TSC2: variants seen among roughly 807,000 people sequenced by gnomAD.
TSC2 encodes TSC complex subunit 2, also known as tuberin.
TSC2 carries 29 observed loss-of-function variants against 202.2 expected under a neutral mutation model. That is an observed-to-expected ratio of 0.14 (90% CI 0.11 to 0.20). The LOEUF (loss-of-function observed/expected upper bound fraction) is 0.20, where lower values mean the gene tolerates loss of function less well. TSC2 is among the 10% of genes least tolerant of loss of function. The pLI is 1.00. For synonymous variants in TSC2, 1,349 were observed against 1,044.0 expected, an observed-to-expected ratio of 1.29 and a Z score of -5.63; for missense variants, 2,429 against 2,420.0, an observed-to-expected ratio of 1.00 and a Z score of -0.08.
chr16:2,061,787 G>A (rs1473009471), intron 11 of TSC2, 84 bp from the exon 12 acceptor site: 103 of 1,608,886 alleles, frequency 6.4e-5, no homozygotes, highest in Non-Finnish European at 7.9e-5. Flanking sequence ...GTGTCTCCAT[G>A]CGGTGGGTGT....
At chr16:2,052,350 C>T (rs2085240767) in intron 3 of TSC2, among the ~76,000 whole-genome samples, 1 of 151,978 alleles carries the variant, frequency 6.6e-6, no homozygotes, top group Non-Finnish European at 1.5e-5. Flanking sequence ...CACTCTGTCA[C>T]CCAGGCCGGG....
chr16:2,063,198 G>C lies in TSC2; in HGVS notation c.1443+145G>C, dbSNP rs1029369061. ...CCCTCTGCAGCCCCCAGCGTGGTCT[G>C]TTTACCCCTGTTCATTCACTGGCTT... On this transcript the variant is annotated intron_variant, in intron 14 of 41. Transcript: ENST00000219476. The C allele has an allele frequency of 9.4e-6, 9 of 962,038 alleles. No individual in the cohort carries two copies. In the African/African-American group the frequency reaches 1.1e-4, roughly 12 times the overall value. The allele number at this position is 962,038 out of a possible 1,614,324, so 59.6% of individuals were successfully genotyped here.
chr16:2,083,655 C>A (rs1431858194), intron 32 of TSC2, 40 bp from the exon 33 acceptor site: 1 of 1,559,014 alleles, frequency 6.4e-7, no homozygotes, highest in South Asian at 1.2e-5. Flanking sequence ...CAGGGCCTGG[C>A]CCAGCCCCAC....
At chr16:2,078,933 G>T (rs2089769547) in intron 26 of TSC2, 99 bp from the exon 27 acceptor site, 3 of 1,534,414 alleles carry the variant, frequency 2.0e-6, no homozygotes, top group Non-Finnish European at 2.7e-6. Context: ...TCCGAGCGAG[G>T]TCCTCAGCCG....
chr16:2,078,982 C>T (rs368497505), intron 26 of TSC2, 50 bp from the exon 27 acceptor site: 230 of 1,609,018 alleles, frequency 1.4e-4, no homozygotes, highest in Non-Finnish European at 1.8e-4. Flanking sequence ...ATAGGTGGCT[C>T]GGCCCGCCCT....
chr16:2,052,696 TG>T lies in TSC2; in HGVS notation c.226-644del, dbSNP rs2085281060. Among the ~76,000 whole-genome samples the T allele has an allele frequency of 2.0e-5, 3 of 151,948 alleles. No homozygotes were observed. The South Asian group carries it at 6.2e-4, about 32-fold the overall frequency. On this transcript the variant is annotated intron_variant, in intron 3 of 41. Transcript: ENST00000219476. ...TGAAAGCCGTGGCTGTTGGTTAATG[TG>T]GAGAAGGGAAGGTGGTGAGAGCCAG...
chr16:2,071,000 A>AGGGC (rs1567459989), intron 17 of TSC2, among the ~76,000 whole-genome samples: 2 of 151,612 alleles, frequency 1.3e-5, no homozygotes, highest in African/African-American at 2.4e-5. Flanking sequence ...CAGGGCAGGG[A>AGGGC]TGGGCAGAAC....
chr16:2,048,679 G>C lies in TSC2; in HGVS notation c.64G>C (p.Gly22Arg), dbSNP rs1479698846. The change falls in exon 2 of 42, where the codon GGA becomes CGA. Residue 22 changes from glycine to arginine, a missense_variant. Transcript: ENST00000219476. ...KEKFKILLGL[G>R]TPRPNPRSAE... is the part of the protein sequence containing the mutation. ...GAAGTTTAAGATTCTGTTGGGACTG[G>C]GAACACCGAGGCCAAATCCCAGGTC... The C allele has an allele frequency of 6.2e-7, 1 of 1,613,986 alleles. No homozygotes were observed. The highest frequency in any genetic ancestry group is 8.5e-7 in the Non-Finnish European group (1 of 1,180,006).
rs145101905 is a variant in TSC2, at chr16:2,082,378, C to T, written c.3815-58C>T. The T allele has an allele frequency of 1.2e-3, 1,969 of 1,590,950 alleles. 22 individuals carry two copies. In the African/African-American group the frequency reaches 0.023, roughly 19 times the overall value. On this transcript the variant is annotated intron_variant, in intron 31 of 41. Coordinates refer to ENST00000219476, the MANE Select transcript of TSC2 (RefSeq NM_000548.5). The stretch of plus-strand genomic sequence containing the variant: ...AGGCACGGGGCCTGTGCTCTCTGCT[C>T]GACCTGTGTGTAGCCCCTCCTCCTG...
Position 2,074,132 on chromosome 16 carries a change from T to TGGCGAGGGGTA in TSC2, c.2356-60_2356-50dup, listed in dbSNP as rs2088897566. The TGGCGAGGGGTA allele has an allele frequency of 6.6e-5, 106 of 1,597,574 alleles. 1 individual carries two copies. In the South Asian group the frequency reaches 1.1e-3, roughly 17 times the overall value. On this transcript the variant is annotated intron_variant, in intron 21 of 41. Transcript: ENST00000219476. ...GTTCTCCCGGTGGAGCACTCGAGGT[T>TGGCGAGGGGTA]GGCGAGGGGTAGGCGAGGCTGCCTC...
At position 2,064,308 on chromosome 16, in the gene TSC2, T is replaced by C. The variant is rs1555502412; in HGVS notation, c.1480T>C (p.Ser494Pro). The C allele has an allele frequency of 1.2e-6, 2 of 1,613,836 alleles. No individual in the cohort carries two copies. The highest frequency in any genetic ancestry group is 2.2e-5 in the South Asian group (2 of 91,078). ...TAACTCAGTGGTCATCTCGCAGCTC[T>C]CCCACATCCCCGAGGATAAAGACCA... ...LINSVVISQLSHIPEDKDHQV... is the reference protein window; with the variant it reads ...LINSVVISQLPHIPEDKDHQV... The change falls in exon 15 of 42, where the codon TCC becomes CCC. Residue 494 changes from serine to proline, a missense_variant. By Grantham distance (74) the Ser-to-Pro change is moderately conservative. Transcript: ENST00000219476.
intron 19 of TSC2, 80 bp from the exon 20 acceptor site, chr16:2,072,161 A>T: frequency 6.2e-7 from 1 of 1,605,774 alleles, no homozygotes; most frequent in Non-Finnish European, 8.5e-7. Context: ...TGCAGCCACA[A>T]AGCAGAGCCT....
chr16:2,070,355 T>C (rs1399176225), intron 16 of TSC2, 101 bp from the exon 17 acceptor site: 11 of 1,603,722 alleles, frequency 6.9e-6, no homozygotes, highest in Non-Finnish European at 9.4e-6. Flanking sequence ...AAGCACGCAC[T>C]CTAGAGCAGC....
At chr16:2,085,148 G>T in intron 35 of TSC2, 82 bp from the exon 36 acceptor site, 1 of 1,603,686 alleles carries the variant, frequency 6.2e-7, no homozygotes, top group Non-Finnish European at 8.5e-7. Context: ...GCTCCCTGTG[G>T]CAGCCTGCCG....
rs45517133 is a variant in TSC2, at chr16:2,058,730, C to T, written c.849-17C>T. 1 of 1,572,046 alleles carries T rather than the reference C, an allele frequency of 6.4e-7. No homozygotes were observed. Among genetic ancestry groups the T allele is most frequent in the African/African-American group, 1.3e-5 (1 of 74,388 alleles). On this transcript the variant is annotated splice_polypyrimidine_tract_variant and intron_variant, in intron 9 of 41. Coordinates refer to ENST00000219476, the MANE Select transcript of TSC2 (RefSeq NM_000548.5). ...AGGGCCCTGCTCACATTCCGTCTCT[C>T]TGGGGAACACTTTTAGAGCCTACAT...
At chr16:2,050,317 A>C (rs748711835) in intron 2 of TSC2, 83 bp from the exon 3 acceptor site, 2 of 1,241,330 alleles carry the variant, frequency 1.6e-6, no homozygotes, top group Non-Finnish European at 2.4e-6. Context: ...ATGCAGTGGG[A>C]GTCTTTAGGT....
rs373481458 is a variant in TSC2, at chr16:2,080,309, C to T, written c.3542C>T (p.Thr1181Met). ...AGTRVPVQEKTNLAAYVPLLT... is the reference protein window; with the variant it reads ...AGTRVPVQEKMNLAAYVPLLT... ...ACCCGGGTTCCTGTGCAGGAGAAGA[C>T]GAACCTGGCGGCCTATGTGCCCCTG... The change falls in exon 30 of 42, where the codon ACG becomes ATG. Residue 1181 changes from threonine to methionine, a missense_variant. By Grantham distance (81) the Thr-to-Met change is moderately conservative. Transcript: ENST00000219476. The T allele has an allele frequency of 1.4e-5, 23 of 1,612,760 alleles. No individual in the cohort carries two copies. The highest frequency in any genetic ancestry group is 1.3e-4 in the South Asian group (12 of 91,086).
At chr16:2,071,341 G>A (rs1168908120) in intron 17 of TSC2, 169 bp from the exon 18 acceptor site, 1 of 703,636 alleles carries the variant, frequency 1.4e-6, no homozygotes, top group African/African-American at 1.8e-5. Flanking sequence ...GGCCTCCGGT[G>A]TCACCAGGAC....
Position 2,064,387 on chromosome 16 carries a change from A to G in TSC2, c.1559A>G (p.His520Arg), listed in dbSNP as rs1220672669. 1.2e-6 allele frequency: 2 copies of G among 1,613,736 alleles called. No individual in the cohort carries two copies. The highest frequency in any genetic ancestry group is 1.7e-6 in the Non-Finnish European group (2 of 1,180,030). The change falls in exon 15 of 42, where the codon CAC becomes CGC. Residue 520 changes from histidine to arginine, a missense_variant. Coordinates refer to ENST00000219476, the MANE Select transcript of TSC2 (RefSeq NM_000548.5). ...QLLVDLAEGC[H>R]THHFNSLLDI... The stretch of plus-strand genomic sequence containing the variant: ...CTGGTGGACCTGGCAGAGGGCTGCC[A>G]CACACACCACTTCAACAGCCTGCTG...
Sources: gnomAD v4.1 joint callset for allele counts (sites outside exome capture counted in the v4.1 genomes callset) on GRCh38, gnomAD v4.1.1 for gene constraint, MANE v1.5 for transcripts, NCBI Gene and HGNC (gene_info 2026-07-23, HGNC 2026-07-21) for gene names.